The following PPM1L variants were observed in gnomAD, a reference collection of about 807,000 sequenced individuals.
PPM1L encodes the protein protein phosphatase 1L.
In PPM1L, 13 loss-of-function variants were observed where a neutral mutation model predicts 31.4. The ratio of observed to expected loss-of-function variants is 0.41; its 90% CI spans 0.27 to 0.66. The LOEUF is 0.66. PPM1L is among the 30% of genes least tolerant of loss of function. The pLI is 0.29. For synonymous variants in PPM1L, 184 were observed against 175.4 expected (o/e 1.05, Z -0.39); for missense variants, 326 against 453.7 (o/e 0.72, Z 2.56).
intron 1 of PPM1L, among the ~76,000 whole-genome samples, chr3:160,940,814 C>T (rs575116870): frequency 6.6e-6 from 1 of 152,280 alleles, no homozygotes; most frequent in Non-Finnish European, 1.5e-5. Context: ...GGGACCCTGC[C>T]TAGTGGAGCT....
intron 1 of PPM1L, among the ~76,000 whole-genome samples, chr3:160,798,185 AAAACAAAC>A (rs961335368): frequency 1.4e-4 from 21 of 147,304 alleles, no homozygotes; most frequent in Middle Eastern, 6.8e-3. Flanking sequence ...TAAAAAAACA[AAAACAAAC>A]AAACAAACAA....
intron 2 of PPM1L, among the ~76,000 whole-genome samples, chr3:161,021,544 A>C (rs1469705051): frequency 6.6e-6 from 1 of 151,912 alleles, no homozygotes; most frequent in Non-Finnish European, 1.5e-5. Flanking sequence ...GTGGTTTTCT[A>C]GTATTGTTCA....
At position 160,825,503 on chromosome 3, in the gene PPM1L, C is replaced by T. The variant is rs1403645126; in HGVS notation, c.399+68796C>T. 2.0e-5 allele frequency among the ~76,000 whole-genome samples: 3 copies of T among 152,166 alleles called. No homozygotes were observed. The East Asian group carries it at 5.8e-4, about 29-fold the overall frequency. ...TGCCAAGTGCTCCCATGCATTGCTG[C>T]ATCCTCTGATCTCATGAGACAAGCA... On this transcript the variant is annotated intron_variant, in intron 1 of 3. Coordinates refer to ENST00000498165, the MANE Select transcript of PPM1L (RefSeq NM_139245.4).
intron 2 of PPM1L, among the ~76,000 whole-genome samples, chr3:161,016,090 C>T (rs1001200537): frequency 3.3e-5 from 5 of 152,138 alleles, no homozygotes; most frequent in African/African-American, 1.2e-4. Flanking sequence ...TCTCATGAGA[C>T]ACTTCGGAAT....
chr3:160,868,936 T>C (rs1479925698), intron 1 of PPM1L, among the ~76,000 whole-genome samples: 1 of 152,196 alleles, frequency 6.6e-6, no homozygotes, highest in Non-Finnish European at 1.5e-5. Flanking sequence ...GTTATTGTTT[T>C]GGGTTTAAAA....
At chr3:160,853,333 A>G (rs1212542456) in intron 1 of PPM1L, among the ~76,000 whole-genome samples, 1 of 152,228 alleles carries the variant, frequency 6.6e-6, no homozygotes, top group African/African-American at 2.4e-5. Flanking sequence ...TGCTCCATAG[A>G]TTTAGAATGT....
intron 1 of PPM1L, among the ~76,000 whole-genome samples, chr3:160,867,326 T>TG (rs1292055497): frequency 1.1e-4 from 14 of 129,020 alleles, no homozygotes; most frequent in Admixed American, 9.2e-4. Context: ...AGTTCCATGT[T>TG]CTTTTTTTTT....
intron 2 of PPM1L, among the ~76,000 whole-genome samples, chr3:160,995,398 G>A (rs907793357): frequency 6.6e-6 from 1 of 152,006 alleles, no homozygotes; most frequent in Non-Finnish European, 1.5e-5. Context: ...TCGACTTACT[G>A]CAACCTCCAC....
rs116383989 is a variant in PPM1L at position 161,032,413 on chromosome 3, G to A, written c.575-32990G>A. On this transcript the variant is annotated intron_variant, in intron 2 of 3. Coordinates refer to ENST00000498165, the MANE Select transcript of PPM1L (RefSeq NM_139245.4). The stretch of plus-strand genomic sequence containing the variant: ...ATACACTTTGAAAAGCACATGGAAG[G>A]CTTTCTTACTTACATATATAACTCC... Among the ~76,000 whole-genome samples, 633 of 152,282 alleles carry A rather than the reference G, an allele frequency of 4.2e-3. 4 individuals carry two copies. Among genetic ancestry groups the A allele is most frequent in the African/African-American group, 0.015 (606 of 41,558 alleles).
chr3:160,932,331 C>A (rs957810830), intron 1 of PPM1L, among the ~76,000 whole-genome samples: 1 of 152,090 alleles, frequency 6.6e-6, no homozygotes, highest in Non-Finnish European at 1.5e-5. Flanking sequence ...AAATTATTTC[C>A]CAAATGCTGC....
At chr3:160,826,980 A>C (rs1346891138) in intron 1 of PPM1L, among the ~76,000 whole-genome samples, 1 of 152,162 alleles carries the variant, frequency 6.6e-6, no homozygotes, top group Non-Finnish European at 1.5e-5. Context: ...AAAGAAAAGC[A>C]GGGGGAAAGA....
Position 161,014,710 on chromosome 3 carries a change from TCCGCC to T in PPM1L, c.575-50692_575-50688del, listed in dbSNP as rs1718023784. ...TTGTCTCAAACTCCTGACCTCATGA[TCCGCC>T]TGTCTGGACCTCCCAAAGTGATGGG... On this transcript the variant is annotated intron_variant, in intron 2 of 3. Coordinates refer to ENST00000498165, the MANE Select transcript of PPM1L (RefSeq NM_139245.4). 2.6e-5 allele frequency among the ~76,000 whole-genome samples: 4 copies of T among 152,168 alleles called. No homozygotes were observed. The South Asian group carries it at 8.3e-4, about 32-fold the overall frequency.
At position 160,756,674 on chromosome 3, in the gene PPM1L, C is replaced by T. The variant is rs1178135790; in HGVS notation, c.366C>T (p.Ser122=). Residue 122 remains serine (S), a synonymous_variant, in exon 1 of 4, where the codon TCC becomes TCT. Coordinates refer to ENST00000498165, the MANE Select transcript of PPM1L (RefSeq NM_139245.4). This position sits in a 1 kb window ranked among gnomAD's most constrained non-coding sequence, Gnocchi z 6.2. ...LTDLANKTHP[S]IFGIFDGHGG... The stretch of plus-strand genomic sequence containing the variant: ...ATCTGGCCAACAAGACGCACCCGTC[C>T]ATCTTCGGGATCTTCGACGGGCACG... 6.2e-7 allele frequency: 1 copy of T among 1,613,962 alleles called. No individual in the cohort carries two copies. The highest frequency in any genetic ancestry group is 8.5e-7 in the Non-Finnish European group (1 of 1,180,018).
At chr3:160,885,223 G>A (rs1234533604) in intron 1 of PPM1L, among the ~76,000 whole-genome samples, 1 of 152,082 alleles carries the variant, frequency 6.6e-6, no homozygotes, top group East Asian at 1.9e-4. Flanking sequence ...ATCCCTAATT[G>A]CTTACTTTTT....
chr3:160,827,685 A>T (rs1713398282), intron 1 of PPM1L, among the ~76,000 whole-genome samples: 1 of 151,440 alleles, frequency 6.6e-6, no homozygotes, highest in African/African-American at 2.4e-5. Context: ...AGGCCTCTGC[A>T]TACTCTATCT....
chr3:161,063,457 T>C (rs1719632616), intron 2 of PPM1L, among the ~76,000 whole-genome samples: 1 of 150,410 alleles, frequency 6.6e-6, no homozygotes, highest in Admixed American at 6.6e-5. Context: ...AGAACTATAA[T>C]AACTGATTAT....
chr3:160,860,263 CT>C (rs1432979548), intron 1 of PPM1L, among the ~76,000 whole-genome samples: 1 of 152,132 alleles, frequency 6.6e-6, no homozygotes, highest in Non-Finnish European at 1.5e-5. Flanking sequence ...AAACTTTGTT[CT>C]TTTCTTTTCA....
Position 160,979,917 on chromosome 3 carries a change from C to T in PPM1L, c.574+18007C>T, listed in dbSNP as rs1716739702. 2.0e-5 allele frequency among the ~76,000 whole-genome samples: 3 copies of T among 151,932 alleles called. No homozygotes were observed. In the South Asian group the frequency reaches 6.2e-4, roughly 31 times the overall value. ...TCGACAAAGGAACTCAGCAACAAGA[C>T]CAGACATCATGGAACTGCAGTGCCA... On this transcript the variant is annotated intron_variant, in intron 2 of 3. Coordinates refer to ENST00000498165, the MANE Select transcript of PPM1L (RefSeq NM_139245.4).
chr3:160,950,462 A>G (rs887201999), intron 1 of PPM1L, among the ~76,000 whole-genome samples: 58 of 152,226 alleles, frequency 3.8e-4, no homozygotes, highest in Non-Finnish European at 2.6e-4. Context: ...CCATACCCCA[A>G]CTACACATAC....
Sources: allele counts gnomAD v4.1 joint callset (sites outside exome capture counted in the v4.1 genomes callset), GRCh38; gene constraint gnomAD v4.1.1; non-coding constraint Gnocchi (gnomAD v3.1); transcripts MANE v1.5; gene names NCBI Gene and HGNC (gene_info 2026-07-23, HGNC 2026-07-21).